SCAMP1: variants seen among roughly 807,000 people sequenced by gnomAD.
The protein encoded by SCAMP1 is secretory carrier membrane protein 1, also known as secretory carrier-associated membrane protein 1.
A neutral mutation model predicts 41.8 loss-of-function variants in SCAMP1; 15 were observed. The observed-to-expected ratio is 0.36, with a 90% confidence interval of 0.24 to 0.55. The LOEUF (loss-of-function observed/expected upper bound fraction) is 0.55. SCAMP1 is among the 20% of genes least tolerant of loss of function. SCAMP1 has a pLI of 0.86. For missense variants in SCAMP1, 341 were observed against 412.6 expected (o/e 0.83, Z 1.50); for synonymous variants, 135 against 136.8 (o/e 0.99, Z 0.09).
intron 1 of SCAMP1, among the ~76,000 whole-genome samples, chr5:78,382,577 C>A (rs1751230350): frequency 6.6e-6 from 1 of 152,126 alleles, no homozygotes; most frequent in Non-Finnish European, 1.5e-5. Context: ...CAACTCCCAC[C>A]CTTTCCCATG....
chr5:78,460,205 A>C (rs910589540), intron 8 of SCAMP1, among the ~76,000 whole-genome samples: 2 of 152,222 alleles, frequency 1.3e-5, no homozygotes, highest in Non-Finnish European at 2.9e-5. Context: ...CTAGTGCTGC[A>C]ATAAGCATAT....
At position 78,459,335 on chromosome 5, in the gene SCAMP1, A is replaced by T; in HGVS notation, c.825A>T (p.Ala275=). Residue 275 remains alanine, a synonymous_variant, in exon 8 of 9, where the codon GCA becomes GCT. Transcript: ENST00000621999. ...IIIAALFTAS[A]VISLVMFKKV... is the part of the protein sequence containing the mutation. ...TAGCAGCACTTTTCACAGCATCAGC[A>T]GTCATCTCACTAGTTATGTTCAAAA... is the stretch of plus-strand genomic sequence containing the variant. 1 of 1,587,376 alleles carries T rather than the reference A, an allele frequency of 6.3e-7. No homozygotes were observed. The highest frequency in any genetic ancestry group is 2.2e-5 in the East Asian group (1 of 44,642).
At chr5:78,379,709 A>C (rs979707150) in intron 1 of SCAMP1, among the ~76,000 whole-genome samples, 1 of 152,218 alleles carries the variant, frequency 6.6e-6, no homozygotes, top group Non-Finnish European at 1.5e-5. Context: ...GGCTTTTAAA[A>C]GTATTTAAGG....
In SCAMP1 at chr5:78,416,617, G is replaced by C; in HGVS notation, c.311G>C (p.Arg104Pro). Reference protein sequence around the residue: ...LERKAAELDRREREMQNLSQH... With the variant: ...LERKAAELDRPEREMQNLSQH... ...AGAAAAGCCGCAGAATTAGATCGTC[G>C]GGAACGAGAAATGCAAAACCTCAGT... Residue 104 changes from arginine (R) to proline (P), a missense_variant, in exon 4 of 9, where the codon CGG becomes CCG. Transcript: ENST00000621999. The C allele has an allele frequency of 6.3e-7, 1 of 1,593,718 alleles. No individual in the cohort carries two copies. Among genetic ancestry groups the C allele is most frequent in the Non-Finnish European group, 8.5e-7 (1 of 1,169,774 alleles).
chr5:78,387,296 C>T (rs1162572562), intron 1 of SCAMP1, among the ~76,000 whole-genome samples: 2 of 150,928 alleles, frequency 1.3e-5, no homozygotes, highest in African/African-American at 4.9e-5. Context: ...TCCTTGGTTT[C>T]CAGAAGTTGC....
chr5:78,387,716 T>C (rs1438986680), intron 1 of SCAMP1, among the ~76,000 whole-genome samples: 5 of 152,112 alleles, frequency 3.3e-5, no homozygotes, highest in Non-Finnish European at 7.4e-5. Flanking sequence ...ACTACAGTGA[T>C]TGTTATTTCT....
chr5:78,406,888 A>T (rs1380911622), intron 2 of SCAMP1, among the ~76,000 whole-genome samples: 1 of 152,048 alleles, frequency 6.6e-6, no homozygotes, highest in African/African-American at 2.4e-5. Context: ...CAGTTCTCTC[A>T]TTCTCTTCCA....
intron 2 of SCAMP1, among the ~76,000 whole-genome samples, chr5:78,406,215 A>C (rs1455274302): frequency 6.6e-6 from 1 of 152,222 alleles, no homozygotes; most frequent in East Asian, 1.9e-4. Context: ...TAAAAGTACA[A>C]ATTCTCTCTT....
rs563259772 is a variant in SCAMP1, at chr5:78,383,674, T to C, written c.58-5163T>C. On this transcript the variant is annotated intron_variant, in intron 1 of 8. Coordinates refer to ENST00000621999, the MANE Select transcript of SCAMP1 (RefSeq NM_004866.6). The stretch of plus-strand genomic sequence containing the variant: ...TGGCTTGCCAATGATCCCAGCACCA[T>C]TTGTTGAATAGGGTGTCCTTTCTCC... 3.3e-5 allele frequency among the ~76,000 whole-genome samples: 5 copies of C among 152,334 alleles called. No individual in the cohort carries two copies. In the East Asian group the frequency reaches 9.6e-4, roughly 29 times the overall value.
intron 1 of SCAMP1, among the ~76,000 whole-genome samples, chr5:78,366,756 C>A (rs1207976096): frequency 6.6e-6 from 1 of 151,938 alleles, no homozygotes; most frequent in African/African-American, 2.4e-5. Flanking sequence ...GAAGCCAAGG[C>A]AGGAGGATTG....
In SCAMP1 at chr5:78,430,203, T is replaced by G. The variant is rs796150494; in HGVS notation, c.632+8243T>G. 1.0e-3 allele frequency among the ~76,000 whole-genome samples: 37 copies of G among 36,744 alleles called. 8 individuals carry two copies. Among genetic ancestry groups the G allele is most frequent in the African/African-American group, 3.0e-3 (32 of 10,642 alleles). 24.1% of individuals were successfully genotyped at this position (36,744 alleles called of 152,430 possible). A position where few individuals can be genotyped will look rare whatever the true frequency, so the allele number is the denominator to read the frequency against. On this transcript the variant is annotated intron_variant, in intron 6 of 8. Coordinates refer to ENST00000621999, the MANE Select transcript of SCAMP1 (RefSeq NM_004866.6). ...CAGTATTTATTTATAAATACAGTAT[T>G]TATTTATAAATACAGTATTTATTTA...
chr5:78,425,293 G>C (rs1752441872), intron 6 of SCAMP1, among the ~76,000 whole-genome samples: 1 of 152,104 alleles, frequency 6.6e-6, no homozygotes, highest in Admixed American at 6.5e-5. Flanking sequence ...GCATAATAAT[G>C]AGTCATCTAT....
intron 6 of SCAMP1, among the ~76,000 whole-genome samples, chr5:78,435,147 G>T (rs1422618423): frequency 7.2e-5 from 11 of 152,196 alleles, no homozygotes; most frequent in African/African-American, 2.2e-4. Flanking sequence ...TAAATCATGA[G>T]ATCTATAAAT....
chr5:78,400,258 A>G (rs1192092454), intron 2 of SCAMP1, among the ~76,000 whole-genome samples: 1 of 152,198 alleles, frequency 6.6e-6, no homozygotes, highest in Non-Finnish European at 1.5e-5. Context: ...ACTATACTGT[A>G]TGGATTACTG....
intron 1 of SCAMP1, among the ~76,000 whole-genome samples, chr5:78,383,287 G>GT (rs575104119): frequency 6.6e-6 from 1 of 151,930 alleles, no homozygotes; most frequent in Admixed American, 6.6e-5. Flanking sequence ...TGATGGGATT[G>GT]TTTTTTTCAT....
At chr5:78,433,494 C>T (rs1752672262) in intron 6 of SCAMP1, among the ~76,000 whole-genome samples, 2 of 152,064 alleles carry the variant, frequency 1.3e-5, no homozygotes, top group South Asian at 2.1e-4. Context: ...GTGGTGGGGG[C>T]AGGTGTCAGG....
intron 1 of SCAMP1, among the ~76,000 whole-genome samples, chr5:78,376,550 C>T (rs1391595163): frequency 6.6e-6 from 1 of 152,190 alleles, no homozygotes; most frequent in Admixed American, 6.5e-5. Context: ...ATTTACCTGT[C>T]ATTGCAATCT....
intron 1 of SCAMP1, among the ~76,000 whole-genome samples, chr5:78,367,120 T>C (rs889495029): frequency 6.6e-6 from 1 of 152,180 alleles, no homozygotes; most frequent in Non-Finnish European, 1.5e-5. Flanking sequence ...GTCAACTGCA[T>C]GAATTCCTGC....
At chr5:78,447,108 G>C (rs1753070022) in intron 6 of SCAMP1, among the ~76,000 whole-genome samples, 1 of 152,188 alleles carries the variant, frequency 6.6e-6, no homozygotes, top group African/African-American at 2.4e-5. Context: ...TGCTCCTTAT[G>C]AGAATCTAAT....
Sources: allele counts gnomAD v4.1 joint callset (sites outside exome capture counted in the v4.1 genomes callset), GRCh38; gene constraint gnomAD v4.1.1; transcripts MANE v1.5; gene names NCBI Gene and HGNC (gene_info 2026-07-23, HGNC 2026-07-21).